The following KMT2C variants were observed in gnomAD, a reference collection of about 807,000 sequenced individuals.
The protein encoded by KMT2C is histone-lysine N-methyltransferase 2C.
A neutral mutation model predicts 507.9 loss-of-function variants in KMT2C; 88 were observed. That is an observed-to-expected ratio of 0.17 (90% CI 0.15 to 0.21). The LOEUF is 0.21. Among genes scored for constraint, KMT2C ranks in the 10% least tolerant of loss-of-function variants. The probability of loss-of-function intolerance (pLI) is 1.00; values close to 1 mark genes in which losing one functional copy is unlikely to be tolerated. For synonymous variants in KMT2C, 2,049 were observed against 2,080.8 expected (o/e 0.98, Z 0.42); for missense variants, 4,954 against 5,957.8 (o/e 0.83, Z 5.55).
At chr7:152,274,438 G>A (rs1240941079) in intron 6 of KMT2C, among the ~76,000 whole-genome samples, 5 of 151,614 alleles carry the variant, frequency 3.3e-5, no homozygotes, top group East Asian at 1.9e-4. Context: ...AAATGTGGGC[G>A]AAAAAAAATT....
In KMT2C at chr7:152,159,021, G is replaced by A. The variant is rs772980746; in HGVS notation, c.11512C>T (p.Pro3838Ser). The change falls in exon 44 of 59, where the codon CCA becomes TCA. Residue 3838 changes from proline to serine, a missense_variant. Physicochemically the swap from Pro to Ser is moderately conservative, Grantham distance 74. Around this residue, in one of 29 missense-constraint regions of KMT2C, gnomAD observed 801 missense variants for 751.2 expected, o/e 1.07. Transcript: ENST00000262189. ...GTTTCACTTCCTCCATCTGTTTTTG[G>A]CAACTGGTTGCCACATCCAAAACCA... ...QGGFGCGNQL[P>S]KTDGGSETKK... 1.9e-6 allele frequency: 3 copies of A among 1,614,078 alleles called. No homozygotes were observed. Among genetic ancestry groups the A allele is most frequent in the Middle Eastern group, 1.7e-4 (1 of 6,058 alleles).
chr7:152,251,268 G>C (rs935389753), intron 11 of KMT2C, among the ~76,000 whole-genome samples: 3 of 152,284 alleles, frequency 2.0e-5, no homozygotes, highest in Non-Finnish European at 2.9e-5. Context: ...CCAACATAGT[G>C]AGAACCCATC....
chr7:152,214,124 G>A (rs1158173187), intron 23 of KMT2C, among the ~76,000 whole-genome samples: 4 of 151,558 alleles, frequency 2.6e-5, no homozygotes, highest in Admixed American at 2.0e-4. Flanking sequence ...TGATAGGAAT[G>A]TAAATTAGTA....
At chr7:152,432,822 G>A (rs1393043483) in intron 1 of KMT2C, among the ~76,000 whole-genome samples, 2 of 152,128 alleles carry the variant, frequency 1.3e-5, no homozygotes, top group African/African-American at 4.8e-5. Context: ...TTAAGCCAAA[G>A]ATAAATACAT....
At chr7:152,322,660 G>A (rs1449806590) in intron 3 of KMT2C, among the ~76,000 whole-genome samples, 1 of 151,960 alleles carries the variant, frequency 6.6e-6, no homozygotes, top group African/African-American at 2.4e-5. Context: ...TTTTGGATAT[G>A]ACCCTGAAAG....
At chr7:152,293,431 G>A (rs1181507321) in intron 6 of KMT2C, among the ~76,000 whole-genome samples, 1 of 152,114 alleles carries the variant, frequency 6.6e-6, no homozygotes, top group Non-Finnish European at 1.5e-5. Context: ...ACATTACCAT[G>A]GTTCAAAAGT....
At chr7:152,165,541 G>T (rs1383713570) in intron 42 of KMT2C, among the ~76,000 whole-genome samples, 5 of 152,172 alleles carry the variant, frequency 3.3e-5, no homozygotes, top group African/African-American at 1.2e-4. Flanking sequence ...AATAATCCTA[G>T]TTTTAAACAA....
intron 39 of KMT2C, among the ~76,000 whole-genome samples, chr7:152,172,745 A>C (rs2093023596): frequency 6.6e-6 from 1 of 152,170 alleles, no homozygotes; most frequent in Non-Finnish European, 1.5e-5. Context: ...CCTTGTTTTG[A>C]ATATACATAG....
chr7:152,147,927 A>C, intron 52 of KMT2C, 106 bp downstream of exon 52: 1 of 1,226,982 alleles, frequency 8.2e-7, no homozygotes, highest in Non-Finnish European at 1.1e-6. Context: ...ACACATTATA[A>C]AATATAAAAC....
chr7:152,363,449 T>C (rs1229990161), intron 1 of KMT2C, among the ~76,000 whole-genome samples: 1 of 152,150 alleles, frequency 6.6e-6, no homozygotes, highest in Non-Finnish European at 1.5e-5. Flanking sequence ...GACTTCTACA[T>C]AAAGCCACAT....
At chr7:152,364,413 C>T (rs1349473686) in intron 1 of KMT2C, among the ~76,000 whole-genome samples, 2 of 152,054 alleles carry the variant, frequency 1.3e-5, no homozygotes, top group African/African-American at 2.4e-5. Flanking sequence ...CGAGACCATC[C>T]TGGCTAACAT....
intron 2 of KMT2C, among the ~76,000 whole-genome samples, chr7:152,339,211 G>T (rs1232846515): frequency 1.3e-5 from 2 of 152,218 alleles, no homozygotes; most frequent in East Asian, 3.9e-4. Context: ...TCACTCAAGG[G>T]TTATAGGATT....
intron 1 of KMT2C, among the ~76,000 whole-genome samples, chr7:152,408,516 C>A (rs1372322720): frequency 6.6e-6 from 1 of 152,222 alleles, no homozygotes; most frequent in Non-Finnish European, 1.5e-5. Flanking sequence ...AGCAGGTGAG[C>A]GGCAGGCAAG....
At chr7:152,139,644 G>A (rs1228895263) in intron 56 of KMT2C, 31 bp downstream of exon 56, 2 of 1,384,780 alleles carry the variant, frequency 1.4e-6, no homozygotes, top group Non-Finnish European at 2.1e-6. Flanking sequence ...TGATGGTGCT[G>A]TGTATACAAT....
chr7:152,260,817 T>G (rs35328180), intron 9 of KMT2C, among the ~76,000 whole-genome samples: 6,493 of 152,230 alleles, frequency 0.043, 64 homozygotes, highest in South Asian at 0.085. Context: ...AGGAAATATA[T>G]TTTTGAAAGA....
chr7:152,414,612 T>TC (rs1197578751), intron 1 of KMT2C, among the ~76,000 whole-genome samples: 2 of 141,056 alleles, frequency 1.4e-5, no homozygotes, highest in African/African-American at 2.6e-5. Flanking sequence ...GGAAAAAATC[T>TC]TTTTTTTTTT....
chr7:152,311,265 A>C (rs553922092), intron 5 of KMT2C, among the ~76,000 whole-genome samples: 11 of 152,258 alleles, frequency 7.2e-5, no homozygotes, highest in African/African-American at 2.4e-4. Flanking sequence ...CGTATCAATG[A>C]TTATTAACAC....
chr7:152,201,314 A>ACACG (rs2094133775), intron 26 of KMT2C, among the ~76,000 whole-genome samples: 3 of 151,766 alleles, frequency 2.0e-5, no homozygotes, highest in African/African-American at 7.3e-5. Flanking sequence ...ACACACACAC[A>ACACG]CACACACACA....
At chr7:152,272,969 T>C (rs965996058) in intron 7 of KMT2C, among the ~76,000 whole-genome samples, 1 of 152,086 alleles carries the variant, frequency 6.6e-6, no homozygotes, top group African/African-American at 2.4e-5. Context: ...GGAGGTTTCA[T>C]AATGAGATTG....
Sources: allele counts gnomAD v4.1 joint callset (sites outside exome capture counted in the v4.1 genomes callset), GRCh38; gene constraint gnomAD v4.1.1; regional missense constraint gnomAD v4.1.1; transcripts MANE v1.5; gene names NCBI Gene and HGNC (gene_info 2026-07-23, HGNC 2026-07-21).